Variants in PCDHGB7 observed in about 807,000 individuals in gnomAD.
PCDHGB7 encodes the protein protocadherin gamma-B7.
In PCDHGB7, 37 loss-of-function variants were observed where a neutral mutation model predicts 61.4. The ratio of observed to expected loss-of-function variants is 0.60; its 90% CI spans 0.46 to 0.79. The LOEUF (loss-of-function observed/expected upper bound fraction) is 0.79. Ranked by LOEUF, PCDHGB7 falls within the 30% of genes least tolerant of loss-of-function variation. PCDHGB7 has a pLI of 0.00. For synonymous variants in PCDHGB7, 464 were observed against 503.5 expected, an observed-to-expected ratio of 0.92 and a Z score of 1.05; for missense variants, 1,166 against 1,202.5, an observed-to-expected ratio of 0.97 and a Z score of 0.45.
chr5:141,491,612 G>C lies in PCDHGB7; in HGVS notation c.2416-3195G>C, dbSNP rs759955730. 1 of 1,613,906 alleles carries C rather than the reference G, an allele frequency of 6.2e-7. No individual in the cohort carries two copies. Among genetic ancestry groups the C allele is most frequent in the South Asian group, 1.1e-5 (1 of 91,080 alleles). ...GACGGCAGTGACTTCACTTTTCTAA[G>C]ACCCCTCAGCGTTCAGCAGCCCACA... On this transcript the variant is annotated intron_variant, in intron 1 of 3. Transcript: ENST00000398594. The surrounding 1 kb of genome is among the most constrained non-coding windows in gnomAD (Gnocchi z 6.9).
chr5:141,423,095 A>ACG (rs2096709208), intron 1 of PCDHGB7: 4 of 1,613,860 alleles, frequency 2.5e-6, no homozygotes, highest in African/African-American at 2.7e-5. Flanking sequence ...GTGGGGGAGC[A>ACG]CACGGGCGAG....
At position 141,432,957 on chromosome 5, in the gene PCDHGB7, C is replaced by T. The variant is rs2097553676; in HGVS notation, c.2415+12683C>T. 1 of 1,614,190 alleles carries T rather than the reference C, an allele frequency of 6.2e-7. No individual in the cohort carries two copies. The highest frequency in any genetic ancestry group is 8.5e-7 in the Non-Finnish European group (1 of 1,180,030). ...CTGCAGGCTTCAGGAGGCGGCTTGA[C>T]AGGAGCGCCGGCGTCGCACTTTGTG... On this transcript the variant is annotated intron_variant, in intron 1 of 3. Coordinates refer to ENST00000398594, the MANE Select transcript of PCDHGB7 (RefSeq NM_018927.4). This position sits in a 1 kb window ranked among gnomAD's most constrained non-coding sequence, Gnocchi z 6.0.
At chr5:141,449,726 TTTTTTATGACATGATTA>T (rs2098653732) in intron 1 of PCDHGB7, among the ~76,000 whole-genome samples, 1 of 151,792 alleles carries the variant, frequency 6.6e-6, no homozygotes, top group Admixed American at 6.6e-5. Flanking sequence ...ATGATATGAT[TTTTTTATGACATGATTA>T]TTTTTATGAC....
chr5:141,490,476 G>A lies in PCDHGB7; in HGVS notation c.2416-4331G>A. 1 of 1,614,208 alleles carries A rather than the reference G, an allele frequency of 6.2e-7. No homozygotes were observed. The highest frequency in any genetic ancestry group is 8.5e-7 in the Non-Finnish European group (1 of 1,180,046). On this transcript the variant is annotated intron_variant, in intron 1 of 3. Transcript: ENST00000398594. The surrounding 1 kb of genome is among the most constrained non-coding windows in gnomAD (Gnocchi z 5.4). ...ACTCGCTGCTAACCAGCCAGCCTTT[G>A]GACCGGGAGGCCACATCCCACTATA...
chr5:141,450,386 A>T (rs1208546397), intron 1 of PCDHGB7, among the ~76,000 whole-genome samples: 2 of 152,192 alleles, frequency 1.3e-5, no homozygotes, highest in Non-Finnish European at 2.9e-5. Flanking sequence ...TGAAACTGAC[A>T]TTTGTAAAGA....
Position 141,493,806 on chromosome 5 carries a change from T to C in PCDHGB7, c.2416-1001T>C, listed in dbSNP as rs1339302166. On this transcript the variant is annotated intron_variant, in intron 1 of 3. Coordinates refer to ENST00000398594, the MANE Select transcript of PCDHGB7 (RefSeq NM_018927.4). This position sits in a 1 kb window ranked among gnomAD's most constrained non-coding sequence, Gnocchi z 4.3. ...TCCTTCTCCCTGGAGTAATCTGAGA[T>C]ACTCACACTCTCTGCTTCTGGGAGC... is the stretch of plus-strand genomic sequence containing the variant. Among the ~76,000 whole-genome samples, 1 of 152,162 alleles carries C rather than the reference T, an allele frequency of 6.6e-6. No homozygotes were observed. The highest frequency in any genetic ancestry group is 1.5e-5 in the Non-Finnish European group (1 of 68,038).
chr5:141,431,389 G>T lies in PCDHGB7; in HGVS notation c.2415+11115G>T, dbSNP rs1213370298. 1 of 1,613,876 alleles carries T rather than the reference G, an allele frequency of 6.2e-7. No homozygotes were observed. Among genetic ancestry groups the T allele is most frequent in the Admixed American group, 1.7e-5 (1 of 60,028 alleles). On this transcript the variant is annotated intron_variant, in intron 1 of 3. Transcript: ENST00000398594. This position sits in a 1 kb window ranked among gnomAD's most constrained non-coding sequence, Gnocchi z 4.8. ...GCGAAGAAAAGGCTGCTCACCACCT[G>T]GTCCTTACGGCCTCCGACGGGGGCG...
At chr5:141,457,929 C>T (rs1207409757) in intron 1 of PCDHGB7, among the ~76,000 whole-genome samples, 2 of 152,194 alleles carry the variant, frequency 1.3e-5, no homozygotes, top group Non-Finnish European at 2.9e-5. Context: ...CCCCAAGGGG[C>T]TTTTATTGGC....
chr5:141,464,377 T>A (rs1410334231), intron 1 of PCDHGB7, among the ~76,000 whole-genome samples: 3 of 151,486 alleles, frequency 2.0e-5, no homozygotes, highest in Admixed American at 2.0e-4. Flanking sequence ...TTTTGCAATA[T>A]AAAAAATGCT....
chr5:141,456,390 T>G (rs1007800936), intron 1 of PCDHGB7, among the ~76,000 whole-genome samples: 2 of 152,114 alleles, frequency 1.3e-5, no homozygotes, highest in African/African-American at 4.8e-5. Context: ...CGTTTGGAGT[T>G]TGATTGCTTC....
At chr5:141,420,311 T>C (rs762191274) in intron 1 of PCDHGB7, 37 bp downstream of exon 1, 102 of 1,454,698 alleles carry the variant, frequency 7.0e-5, no homozygotes, top group Non-Finnish European at 9.3e-5. Flanking sequence ...CTTTTTATAT[T>C]ACAATATGCC....
chr5:141,477,052 C>T lies in PCDHGB7; in HGVS notation c.2416-17755C>T. On this transcript the variant is annotated intron_variant, in intron 1 of 3. Coordinates refer to ENST00000398594, the MANE Select transcript of PCDHGB7 (RefSeq NM_018927.4). The surrounding 1 kb of genome is among the most constrained non-coding windows in gnomAD (Gnocchi z 4.9). ...TGACAATCAAGGGTCGGCTGGACTT[C>T]GAGGACACCAAACTCCATGAGATTT... 1.2e-6 allele frequency: 2 copies of T among 1,614,240 alleles called. No individual in the cohort carries two copies. The highest frequency in any genetic ancestry group is 1.7e-6 in the Non-Finnish European group (2 of 1,180,032).
chr5:141,472,316 C>T (rs1456055286), intron 1 of PCDHGB7, among the ~76,000 whole-genome samples: 6 of 151,940 alleles, frequency 3.9e-5, no homozygotes, highest in Non-Finnish European at 8.8e-5. Context: ...CCGAGGCAGG[C>T]AGATCACGAG....
chr5:141,420,214 C>T lies in PCDHGB7; in HGVS notation c.2355C>T (p.Ser785=). The change falls in exon 1 of 4, where the codon AGC becomes AGT. Residue 785 remains serine (S), a synonymous_variant. Coordinates refer to ENST00000398594, the MANE Select transcript of PCDHGB7 (RefSeq NM_018927.4). ...PATQDNLNKD[S]MLLASILTPS... ...CACAAGATAACCTCAACAAAGATAG[C>T]ATGCTACTGGCTAGCATTTTAACTC... 6.2e-7 allele frequency: 1 copy of T among 1,611,064 alleles called. No homozygotes were observed. Among genetic ancestry groups the T allele is most frequent in the Non-Finnish European group, 8.5e-7 (1 of 1,177,590 alleles).
intron 1 of PCDHGB7, among the ~76,000 whole-genome samples, chr5:141,450,006 C>CTATTTTTTTTTT (rs70988802): frequency 7.5e-6 from 1 of 132,986 alleles, no homozygotes. Context: ...TGCCATGTCT[C>CTATTTTTTTTTT]TTTTTTTTTT....
intron 2 of PCDHGB7, among the ~76,000 whole-genome samples, chr5:141,500,793 A>G (rs1245472175): frequency 6.6e-6 from 1 of 152,210 alleles, no homozygotes; most frequent in Non-Finnish European, 1.5e-5. Context: ...ATTTTACAGA[A>G]TAAGTCCTCA....
rs1481151067 is a variant in PCDHGB7, at chr5:141,477,223, T to A, written c.2416-17584T>A. On this transcript the variant is annotated intron_variant, in intron 1 of 3. Transcript: ENST00000398594. This position sits in a 1 kb window ranked among gnomAD's most constrained non-coding sequence, Gnocchi z 4.9. ...TACCCGAGGATGCCCCTCTGGGGAC[T>A]GTCATCGCTTTGCTCAGTGTGACTG... The A allele has an allele frequency of 6.2e-7, 1 of 1,614,198 alleles. No individual in the cohort carries two copies. The highest frequency in any genetic ancestry group is 1.1e-5 in the South Asian group (1 of 91,084).
At position 141,508,909 on chromosome 5, in the gene PCDHGB7, G is replaced by A. The variant is rs545345992; in HGVS notation, c.2564-2038G>A. ...GAGGGGAGGGGGCGGGGCGGTGGCG[G>A]ATCTGGCTTCCTTTTGGAGTTAATT... is the stretch of plus-strand genomic sequence containing the variant. On this transcript the variant is annotated intron_variant, in intron 3 of 3. Coordinates refer to ENST00000398594, the MANE Select transcript of PCDHGB7 (RefSeq NM_018927.4). 2.0e-5 allele frequency among the ~76,000 whole-genome samples: 3 copies of A among 152,202 alleles called. No homozygotes were observed. The South Asian group carries it at 6.2e-4, about 32-fold the overall frequency.
chr5:141,512,917 T>C lies in PCDHGB7; in HGVS notation c.*1744T>C, dbSNP rs543880225. On this transcript the variant is annotated 3_prime_UTR_variant, in exon 4 of 4. Transcript: ENST00000398594. ...TGTGTCTCACGCAAGTTTTATACTCTAATATTTATATGGCTTTTTTTCTTC... is the reference window on the plus strand; with the variant it reads ...TGTGTCTCACGCAAGTTTTATACTCCAATATTTATATGGCTTTTTTTCTTC... The C allele has an allele frequency of 1.3e-5, 2 of 152,378 alleles. No individual in the cohort carries two copies. Among genetic ancestry groups the C allele is most frequent in the African/African-American group, 2.4e-5 (1 of 41,588 alleles). The allele number at this position is 152,378 out of a possible 1,614,324, so 9.4% of individuals were successfully genotyped here.
Sources: gnomAD v4.1 joint callset for allele counts (sites outside exome capture counted in the v4.1 genomes callset) on GRCh38, gnomAD v4.1.1 for gene constraint, Gnocchi (gnomAD v3.1) non-coding constraint, MANE v1.5 for transcripts, NCBI Gene and HGNC (gene_info 2026-07-23, HGNC 2026-07-21) for gene names.